The following ASAP2 variants were observed in gnomAD, a reference collection of about 807,000 sequenced individuals.
ASAP2 encodes the protein arf-GAP with SH3 domain, ANK repeat and PH domain-containing protein 2.
In ASAP2, 45 loss-of-function variants were observed where a neutral mutation model predicts 131.4. The ratio of observed to expected loss-of-function variants is 0.34; its 90% CI spans 0.27 to 0.44. The LOEUF is 0.44. Ranked by LOEUF, ASAP2 falls within the 20% of genes least tolerant of loss-of-function variation. The probability of loss-of-function intolerance (pLI) is 1.00; values close to 1 mark genes in which losing one functional copy is unlikely to be tolerated. For synonymous variants in ASAP2, 510 were observed against 503.0 expected, an observed-to-expected ratio of 1.01 and a Z score of -0.19; for missense variants, 1,011 against 1,297.0, an observed-to-expected ratio of 0.78 and a Z score of 3.39.
rs1280584541 is a variant in ASAP2, at chr2:9,206,946, CG to C, written c.-158del. 4.8e-6 allele frequency: 3 copies of C among 625,130 alleles called. No homozygotes were observed. The highest frequency in any genetic ancestry group is 6.0e-6 in the Non-Finnish European group (3 of 503,474). The allele number at this position is 625,130 out of a possible 1,614,324, so 38.7% of individuals were successfully genotyped here. ...GGGCTGCGCGCCGCCCCTGCTCCGC[CG>C]CCAGGCCCCGCGCGGCTCCCGCGCC... is the stretch of plus-strand genomic sequence containing the variant. On this transcript the variant is annotated 5_prime_UTR_variant, in exon 1 of 28. Transcript: ENST00000281419. The surrounding 1 kb of genome is among the most constrained non-coding windows in gnomAD (Gnocchi z 4.0).
rs1393013441 is a variant in ASAP2, at chr2:9,268,286, G to A, written c.127-11031G>A. ...TTGGGGGCTGTTTTGAGGAGTGTTA[G>A]GACAGCCTGTCCATGTCTTCTGTTG... On this transcript the variant is annotated intron_variant, in intron 1 of 27. Coordinates refer to ENST00000281419, the MANE Select transcript of ASAP2 (RefSeq NM_003887.3). The surrounding 1 kb of genome is among the most constrained non-coding windows in gnomAD (Gnocchi z 4.1). Among the ~76,000 whole-genome samples the A allele has an allele frequency of 6.6e-6, 1 of 152,120 alleles. No homozygotes were observed. Among genetic ancestry groups the A allele is most frequent in the Non-Finnish European group, 1.5e-5 (1 of 68,034 alleles).
intron 1 of ASAP2, among the ~76,000 whole-genome samples, chr2:9,214,602 C>G (rs1661865989): frequency 6.6e-6 from 1 of 152,222 alleles, no homozygotes; most frequent in African/African-American, 2.4e-5. Flanking sequence ...TTGGAATAAA[C>G]AGACTACCAA....
chr2:9,339,338 C>T (rs1038818147), intron 9 of ASAP2, among the ~76,000 whole-genome samples: 2 of 152,012 alleles, frequency 1.3e-5, no homozygotes, highest in African/African-American at 4.8e-5. Context: ...CTGGGTCTCC[C>T]ACTTCCTACC....
At chr2:9,238,483 C>T (rs539115360) in intron 1 of ASAP2, among the ~76,000 whole-genome samples, 66 of 152,328 alleles carry the variant, frequency 4.3e-4, no homozygotes, top group Non-Finnish European at 5.1e-4. Flanking sequence ...CACTTTCATC[C>T]ACCTTCCCAT....
In ASAP2 at chr2:9,403,192, C is replaced by T; in HGVS notation, c.2947-61C>T. On this transcript the variant is annotated intron_variant, in intron 27 of 27. Transcript: ENST00000281419. ...TTCACCAAACGCTCTATGTAATGCTCTTCAAAGTTTCCACCAACATTTGGA... is the reference window on the plus strand; with the variant it reads ...TTCACCAAACGCTCTATGTAATGCTTTTCAAAGTTTCCACCAACATTTGGA... 4 of 1,498,088 alleles carry T rather than the reference C, an allele frequency of 2.7e-6. No individual in the cohort carries two copies. In the South Asian group the frequency reaches 3.4e-5, roughly 13 times the overall value. The allele number at this position is 1,498,088 out of a possible 1,614,324, so 92.8% of individuals were successfully genotyped here. A position where few individuals can be genotyped will look rare whatever the true frequency, so the allele number is the denominator to read the frequency against.
intron 14 of ASAP2, among the ~76,000 whole-genome samples, chr2:9,357,189 AG>A: frequency 6.6e-6 from 1 of 151,542 alleles, no homozygotes; most frequent in South Asian, 2.1e-4. Flanking sequence ...AAAAAAAAAA[AG>A]AATACCGACT....
intron 9 of ASAP2, among the ~76,000 whole-genome samples, chr2:9,343,481 C>G (rs578066416): frequency 3.3e-5 from 5 of 152,196 alleles, no homozygotes; most frequent in African/African-American, 7.2e-5. Context: ...AGGTCTCGCT[C>G]TGTCACTGAG....
chr2:9,372,255 G>T (rs1025423106), intron 16 of ASAP2, among the ~76,000 whole-genome samples: 1 of 151,974 alleles, frequency 6.6e-6, no homozygotes, highest in Non-Finnish European at 1.5e-5. Flanking sequence ...CATGACACTC[G>T]CCAGGCCAGG....
At chr2:9,248,423 C>G (rs1159601194) in intron 1 of ASAP2, among the ~76,000 whole-genome samples, 2 of 150,322 alleles carry the variant, frequency 1.3e-5, no homozygotes, top group African/African-American at 4.9e-5. Flanking sequence ...CTTTATTTTT[C>G]AAGCATGGGG....
chr2:9,361,590 C>T (rs1673083078), intron 15 of ASAP2, among the ~76,000 whole-genome samples: 1 of 150,670 alleles, frequency 6.6e-6, no homozygotes, highest in African/African-American at 2.4e-5. Flanking sequence ...CTTTTTTTGA[C>T]AGGGTCTCAC....
In ASAP2 at chr2:9,358,881, G is replaced by A. The variant is rs1431803642; in HGVS notation, c.1453G>A (p.Glu485Lys). 1 of 1,603,082 alleles carries A rather than the reference G, an allele frequency of 6.2e-7. No homozygotes were observed. Among genetic ancestry groups the A allele is most frequent in the Non-Finnish European group, 8.5e-7 (1 of 1,175,288 alleles). ...SLTLDVLGTS[E>K]LLLAKNIGNA... Reference sequence around the variant, plus strand: ...GACCTTAGATGTACTGGGAACATCTGAGCTGCTGGTAATTTTTAAATCCTT... The same window carrying A: ...GACCTTAGATGTACTGGGAACATCTAAGCTGCTGGTAATTTTTAAATCCTT... Residue 485 changes from glutamate to lysine, a missense_variant, in exon 15 of 28, where the codon GAG becomes AAG. Physicochemically the swap from Glu to Lys is moderately conservative, Grantham distance 56. This residue lies in a region of ASAP2 where 652 missense variants were observed against 698.9 expected (regional missense o/e 0.93). Coordinates refer to ENST00000281419, the MANE Select transcript of ASAP2 (RefSeq NM_003887.3).
intron 1 of ASAP2, among the ~76,000 whole-genome samples, chr2:9,242,782 C>G (rs551576672): frequency 6.6e-6 from 1 of 152,034 alleles, no homozygotes. Context: ...GGAAAATTGC[C>G]GTCTGGGGAA....
rs188536287 is a variant in ASAP2 at position 9,341,618 on chromosome 2, T to A, written c.850-2914T>A. ...TGCAGGGCTTTTTTTCTCCCCCAAA[T>A]CAATAGACGTATTTCTTGGTTGTGC... On this transcript the variant is annotated intron_variant, in intron 9 of 27. Transcript: ENST00000281419. 1.9e-3 allele frequency among the ~76,000 whole-genome samples: 284 copies of A among 152,282 alleles called. 2 individuals carry two copies. The highest frequency in any genetic ancestry group is 3.5e-3 in the Non-Finnish European group (239 of 68,004).
At chr2:9,399,726 C>T (rs1028599616) in intron 24 of ASAP2, 11 of 463,608 alleles carry the variant, frequency 2.4e-5, no homozygotes, top group South Asian at 4.8e-5. Context: ...AGACTCGGGG[C>T]GGGGCCAGTG....
chr2:9,300,302 T>G (rs144914923), intron 3 of ASAP2, among the ~76,000 whole-genome samples: 5 of 152,238 alleles, frequency 3.3e-5, no homozygotes, highest in African/African-American at 1.2e-4. Context: ...GCAGGCCCAC[T>G]TGGAGCACTC....
At position 9,344,791 on chromosome 2, in the gene ASAP2, C is replaced by G; in HGVS notation, c.1014C>G (p.Ser338=). Reference sequence around the variant, plus strand: ...TTAAAAATGGTTTTCTGACCATATCCCATGGTACCGTAAGTATTCTCTTTT... The same window carrying G: ...TTAAAAATGGTTTTCTGACCATATCGCATGGTACCGTAAGTATTCTCTTTT... ...CSVKNGFLTI[S]HGTANRPPAK... Residue 338 remains serine, a synonymous_variant, in exon 11 of 28, where the codon TCC becomes TCG. Transcript: ENST00000281419. 4.3e-6 allele frequency: 7 copies of G among 1,612,872 alleles called. No homozygotes were observed. Among genetic ancestry groups the G allele is most frequent in the Non-Finnish European group, 5.9e-6 (7 of 1,179,042 alleles).
rs550917079 is a variant in ASAP2 at position 9,395,808 on chromosome 2, C to T, written c.2684+2161C>T. 3.2e-4 allele frequency among the ~76,000 whole-genome samples: 48 copies of T among 151,634 alleles called. No homozygotes were observed. In the South Asian group the frequency reaches 6.2e-3, roughly 20 times the overall value. Reference sequence around the variant, plus strand: ...ATTTTTAGTAGAGATGGGGTTTCACCGGGTTAGCCAGGATGGTCTCAATCT... The same window carrying T: ...ATTTTTAGTAGAGATGGGGTTTCACTGGGTTAGCCAGGATGGTCTCAATCT... On this transcript the variant is annotated intron_variant, in intron 24 of 27. Coordinates refer to ENST00000281419, the MANE Select transcript of ASAP2 (RefSeq NM_003887.3).
At chr2:9,383,537 G>A (rs1486231854) in intron 20 of ASAP2, among the ~76,000 whole-genome samples, 1 of 152,162 alleles carries the variant, frequency 6.6e-6, no homozygotes, top group Non-Finnish European at 1.5e-5. Flanking sequence ...GGGATTACAG[G>A]TGTGAGCCAC....
chr2:9,325,368 C>T (rs547807208), intron 6 of ASAP2, among the ~76,000 whole-genome samples: 48 of 152,292 alleles, frequency 3.2e-4, no homozygotes, highest in Non-Finnish European at 5.1e-4. Flanking sequence ...TTTCTCAATC[C>T]TGCTTCTGTA....
Sources: gnomAD v4.1 joint callset for allele counts (sites outside exome capture counted in the v4.1 genomes callset) on GRCh38, gnomAD v4.1.1 for gene constraint, gnomAD v4.1.1 regional missense constraint, Gnocchi (gnomAD v3.1) non-coding constraint, MANE v1.5 for transcripts, NCBI Gene and HGNC (gene_info 2026-07-23, HGNC 2026-07-21) for gene names.